The following RASA1 variants were observed in gnomAD, a reference collection of about 807,000 sequenced individuals.
RASA1 encodes ras GTPase-activating protein 1.
A neutral mutation model predicts 132.2 loss-of-function variants in RASA1; 25 were observed. The ratio of observed to expected loss-of-function variants is 0.19; its 90% CI spans 0.14 to 0.26. The LOEUF (loss-of-function observed/expected upper bound fraction) is 0.26. Among genes scored for constraint, RASA1 ranks in the 10% least tolerant of loss-of-function variants. The pLI is 1.00. For missense variants in RASA1, 964 were observed against 1,299.2 expected, an observed-to-expected ratio of 0.74 and a Z score of 3.97; for synonymous variants, 477 against 449.9, an observed-to-expected ratio of 1.06 and a Z score of -0.76.
chr5:87,337,843 A>C (rs892669786), intron 4 of RASA1, 131 bp from the exon 5 acceptor site: 1 of 907,602 alleles, frequency 1.1e-6, no homozygotes, highest in Non-Finnish European at 1.6e-6. Context: ...ATACAAATTT[A>C]GGGTGTTTGA....
intron 1 of RASA1, among the ~76,000 whole-genome samples, chr5:87,313,256 C>G (rs979302527): frequency 3.3e-5 from 5 of 152,130 alleles, no homozygotes; most frequent in African/African-American, 1.2e-4. Flanking sequence ...TTTAGCTAAT[C>G]TAATATCTTT....
At chr5:87,295,418 C>T (rs894096804) in intron 1 of RASA1, among the ~76,000 whole-genome samples, 1 of 151,486 alleles carries the variant, frequency 6.6e-6, no homozygotes, top group Non-Finnish European at 1.5e-5. Context: ...TTTTGTTATG[C>T]ACTTTTTCTG....
At chr5:87,307,462 A>G (rs1755670393) in intron 1 of RASA1, among the ~76,000 whole-genome samples, 1 of 150,964 alleles carries the variant, frequency 6.6e-6, no homozygotes. Flanking sequence ...CTCTGTCTCA[A>G]AACAACAACA....
In RASA1 at chr5:87,321,141, C is replaced by T. The variant is rs147602932; in HGVS notation, c.540-10207C>T. Among the ~76,000 whole-genome samples the T allele has an allele frequency of 2.5e-3, 386 of 152,122 alleles. 1 individual carries two copies. The highest frequency in any genetic ancestry group is 8.7e-3 in the African/African-American group (362 of 41,482). On this transcript the variant is annotated intron_variant, in intron 1 of 24. Transcript: ENST00000274376. ...TAGTAATGAATGAAGGAATGGAAAA[C>T]GAGAATAATTTCAATGATACTGGAG... is the stretch of plus-strand genomic sequence containing the variant.
At position 87,363,399 on chromosome 5, in the gene RASA1, C is replaced by T. The variant is rs752748783; in HGVS notation, c.1505C>T (p.Ala502Val). 60 of 1,610,332 alleles carry T rather than the reference C, an allele frequency of 3.7e-5. 1 individual carries two copies. In the Admixed American group the frequency reaches 7.3e-4, roughly 20 times the overall value. Residue 502 changes from alanine to valine, a missense_variant, in exon 11 of 25, where the codon GCC (alanine) becomes GTC (valine). By Grantham distance (64) the Ala-to-Val change is moderately conservative (BLOSUM62 0). Coordinates refer to ENST00000274376, the MANE Select transcript of RASA1 (RefSeq NM_002890.3). Reference sequence around the variant, plus strand: ...TATTTTATCTTAGAGGGTAGTGATGCCCAACTTATTTATTTTGAAAGCGAA... The same window carrying T: ...TATTTTATCTTAGAGGGTAGTGATGTCCAACTTATTTATTTTGAAAGCGAA... ...NLYFILEGSDAQLIYFESEKR... is the reference protein window; with the variant it reads ...NLYFILEGSDVQLIYFESEKR...
Position 87,268,554 on chromosome 5 carries a change from C to T in RASA1, c.103C>T (p.Arg35Trp). ...AGSSAYPAVCRVKIPAALPVA... is the reference protein window; with the variant it reads ...AGSSAYPAVCWVKIPAALPVA... ...CTCCAGTGCCTATCCCGCAGTGTGTCGGGTGAAGATACCCGCGGCCCTGCC... is the reference window on the plus strand; with the variant it reads ...CTCCAGTGCCTATCCCGCAGTGTGTTGGGTGAAGATACCCGCGGCCCTGCC... Residue 35 changes from arginine (R) to tryptophan (W), a missense_variant, in exon 1 of 25, where the codon CGG (arginine) becomes TGG (tryptophan). By Grantham distance (101) the Arg-to-Trp change is moderately radical. This residue lies in a region of RASA1 where 326 missense variants were observed against 275.8 expected (regional missense o/e 1.18). Coordinates refer to ENST00000274376, the MANE Select transcript of RASA1 (RefSeq NM_002890.3). 1 of 1,603,934 alleles carries T rather than the reference C, an allele frequency of 6.2e-7. No individual in the cohort carries two copies. The highest frequency in any genetic ancestry group is 1.1e-5 in the South Asian group (1 of 89,288).
intron 8 of RASA1, 100 bp from the exon 9 acceptor site, chr5:87,353,057 T>G: frequency 2.4e-6 from 2 of 831,148 alleles, no homozygotes; most frequent in South Asian, 3.0e-5. Flanking sequence ...TGAAAAAAAT[T>G]TGCTAATTAG....
intron 22 of RASA1, among the ~76,000 whole-genome samples, chr5:87,385,836 C>T (rs563583029): frequency 6.6e-6 from 1 of 152,132 alleles, no homozygotes; most frequent in South Asian, 2.1e-4. Context: ...TAATACGTGA[C>T]AGACTTCTTG....
intron 4 of RASA1, among the ~76,000 whole-genome samples, chr5:87,337,725 A>G (rs1486854559): frequency 6.6e-6 from 1 of 152,100 alleles, no homozygotes; most frequent in East Asian, 1.9e-4. Flanking sequence ...ATTCAGTGAT[A>G]TAGTTAGTGC....
At chr5:87,381,242 T>C (rs1179028724) in intron 20 of RASA1, among the ~76,000 whole-genome samples, 1 of 152,208 alleles carries the variant, frequency 6.6e-6, no homozygotes, top group Non-Finnish European at 1.5e-5. Flanking sequence ...AGAGGTTAAG[T>C]TGAACTAAGG....
intron 1 of RASA1, among the ~76,000 whole-genome samples, chr5:87,287,632 CAT>C (rs1489908103): frequency 1.4e-5 from 2 of 147,428 alleles, no homozygotes; most frequent in Admixed American, 6.8e-5. Context: ...ATATACACGC[CAT>C]AGATATACCA....
At chr5:87,310,370 G>A (rs1359359122) in intron 1 of RASA1, among the ~76,000 whole-genome samples, 1 of 152,092 alleles carries the variant, frequency 6.6e-6, no homozygotes, top group Non-Finnish European at 1.5e-5. Context: ...AAGCTAGTAA[G>A]TTAAATCTGA....
intron 1 of RASA1, among the ~76,000 whole-genome samples, chr5:87,289,368 T>G (rs1754815473): frequency 6.6e-6 from 1 of 152,208 alleles, no homozygotes; most frequent in African/African-American, 2.4e-5. Flanking sequence ...CCCTTTATAA[T>G]TAATAAATAA....
chr5:87,376,438 C>T lies in RASA1; in HGVS notation c.2057C>T (p.Thr686Ile). ...AGCCGATTACAGAAAGGGCATGCCA[C>T]AGATGAATGGTTTCTGCTCAGCTCC... The part of the protein sequence containing the change: ...QLSRLQKGHA[T>I]DEWFLLSSHI... Residue 686 changes from threonine to isoleucine, a missense_variant, in exon 16 of 25, where the codon ACA (threonine) becomes ATA (isoleucine). By Grantham distance (89) the Thr-to-Ile change is moderately conservative. This residue lies in a region of RASA1 where 346 missense variants were observed against 520.1 expected (regional missense o/e 0.67). Transcript: ENST00000274376. 1.2e-6 allele frequency: 2 copies of T among 1,613,970 alleles called. No homozygotes were observed. The highest frequency in any genetic ancestry group is 2.2e-5 in the South Asian group (2 of 91,078).
At chr5:87,315,896 ATTCT>A (rs1433112469) in intron 1 of RASA1, among the ~76,000 whole-genome samples, 16 of 152,190 alleles carry the variant, frequency 1.1e-4, no homozygotes, top group Non-Finnish European at 4.4e-5. Flanking sequence ...ATATAGGCTG[ATTCT>A]TTTTTCTAAT....
intron 15 of RASA1, 110 bp downstream of exon 15, chr5:87,375,026 T>C (rs1380925036): frequency 7.4e-7 from 1 of 1,357,764 alleles, no homozygotes; most frequent in East Asian, 2.6e-5. Flanking sequence ...ATGCAAGTAG[T>C]ATAATTTGAG....
intron 20 of RASA1, among the ~76,000 whole-genome samples, chr5:87,381,829 T>G (rs1425023150): frequency 6.6e-6 from 1 of 151,938 alleles, no homozygotes; most frequent in Non-Finnish European, 1.5e-5. Flanking sequence ...TGCAAGAGGG[T>G]GTTTTAGGGC....
intron 11 of RASA1, among the ~76,000 whole-genome samples, chr5:87,369,129 T>C (rs898329519): frequency 6.6e-6 from 1 of 152,176 alleles, no homozygotes; most frequent in African/African-American, 2.4e-5. Context: ...AGAAGTAACA[T>C]TTATTGAGTT....
chr5:87,294,288 C>G (rs1042353343), intron 1 of RASA1: 1 of 152,234 alleles, frequency 6.6e-6, no homozygotes, highest in Non-Finnish European at 1.5e-5. Flanking sequence ...CTGTTTCCAA[C>G]CTGGGTGGTT....
Sources: gnomAD v4.1 joint callset for allele counts (sites outside exome capture counted in the v4.1 genomes callset) on GRCh38, gnomAD v4.1.1 for gene constraint, gnomAD v4.1.1 regional missense constraint, MANE v1.5 for transcripts, NCBI Gene and HGNC (gene_info 2026-07-23, HGNC 2026-07-21) for gene names.